DMAC2L: variants seen among roughly 807,000 people sequenced by gnomAD.
The protein encoded by DMAC2L is distal membrane arm assembly component 2 like, also known as ATP synthase subunit s, mitochondrial.
Under a neutral mutation model 22.5 loss-of-function variants are expected in DMAC2L, and 21 were observed. The observed-to-expected ratio is 0.93, with a 90% CI of 0.66 to 1.34. The LOEUF is 1.34. Among genes scored for constraint, DMAC2L ranks in the 40% most tolerant of loss-of-function variants. DMAC2L has a pLI of 0.00. For synonymous variants in DMAC2L, 86 were observed against 89.5 expected, an observed-to-expected ratio of 0.96 and a Z score of 0.22; for missense variants, 239 against 246.5, an observed-to-expected ratio of 0.97 and a Z score of 0.20.
In DMAC2L at chr14:50,326,998, G is replaced by A. The variant is rs1166378223; in HGVS notation, c.*1275G>A. ...TGAGGCTGCAGTAAGCTATGATCAC[G>A]GCCACTGCACACCAGCCTGGTAGCC... On this transcript the variant is annotated 3_prime_UTR_variant, in exon 6 of 6. Coordinates refer to ENST00000557421, the MANE Select transcript of DMAC2L (RefSeq NM_001382507.1). 1.3e-5 allele frequency: 2 copies of A among 152,458 alleles called. No homozygotes were observed. The highest frequency in any genetic ancestry group is 2.4e-5 in the African/African-American group (1 of 41,294). 9.4% of individuals were successfully genotyped at this position (152,458 alleles called of 1,614,324 possible). A position where few individuals can be genotyped will look rare whatever the true frequency, so the allele number is the denominator to read the frequency against.
chr14:50,322,377 C>A, intron 3 of DMAC2L, 134 bp from the exon 4 acceptor site: 1 of 876,420 alleles, frequency 1.1e-6, no homozygotes, highest in Non-Finnish European at 1.5e-6. Flanking sequence ...TTGCATGGAT[C>A]TCACTAATTT....
intron 5 of DMAC2L, among the ~76,000 whole-genome samples, chr14:50,325,134 ATTAATGTAGTTC>A (rs2032623192): frequency 3.1e-5 from 1 of 32,000 alleles, no homozygotes; most frequent in South Asian, 9.5e-4. Flanking sequence ...TATGTATCTA[ATTAATGTAGTTC>A]TGCTTTAATA....
rs2139332780 is a variant in DMAC2L at position 50,326,381 on chromosome 14, C to T, written c.*658C>T. ...ATGTTTTTATTATAACAGTAATTTA[C>T]ATTTAACTTTAAAGTTAGTGAAGCA... On this transcript the variant is annotated 3_prime_UTR_variant, in exon 6 of 6. Transcript: ENST00000557421. 1.1e-6 allele frequency: 1 copy of T among 915,288 alleles called. No homozygotes were observed. Among genetic ancestry groups the T allele is most frequent in the Non-Finnish European group, 1.3e-6 (1 of 766,172 alleles). 56.7% of individuals were successfully genotyped at this position (915,288 alleles called of 1,614,324 possible).
intron 4 of DMAC2L, chr14:50,322,972 G>A: frequency 1.5e-6 from 2 of 1,354,370 alleles, no homozygotes; most frequent in Non-Finnish European, 9.5e-7. Context: ...TAAAATCCAG[G>A]GCCTTGTTTG....
chr14:50,316,130 T>C (rs1052261629), intron 2 of DMAC2L, among the ~76,000 whole-genome samples: 1 of 152,182 alleles, frequency 6.6e-6, no homozygotes, highest in Admixed American at 6.5e-5. Flanking sequence ...TATCACATTG[T>C]GGTTTTGATT....
chr14:50,322,224 C>CT (rs2032332329), intron 3 of DMAC2L, among the ~76,000 whole-genome samples: 1 of 152,180 alleles, frequency 6.6e-6, no homozygotes, highest in Admixed American at 6.5e-5. Flanking sequence ...AAGCACTGTA[C>CT]TATATGTGAA....
At position 50,321,603 on chromosome 14, in the gene DMAC2L, C is replaced by T; in HGVS notation, c.107+9C>T. Reference sequence around the variant, plus strand: ...AATGCAGTGTTTAATAAGTAAGTTACTCTAAATAAAGTGAAGAAATGTGGA... The same window carrying T: ...AATGCAGTGTTTAATAAGTAAGTTATTCTAAATAAAGTGAAGAAATGTGGA... On this transcript the variant is annotated intron_variant, in intron 3 of 5. Coordinates refer to ENST00000557421, the MANE Select transcript of DMAC2L (RefSeq NM_001382507.1). 1 of 1,590,876 alleles carries T rather than the reference C, an allele frequency of 6.3e-7. No individual in the cohort carries two copies.
chr14:50,322,921 A>G, intron 4 of DMAC2L: 2 of 1,432,310 alleles, frequency 1.4e-6, no homozygotes, highest in Non-Finnish European at 1.8e-6. Context: ...TCCTCTCACT[A>G]AGCTTGTTTC....
rs1276880825 is a variant in DMAC2L at position 50,326,379 on chromosome 14, T to C, written c.*656T>C. On this transcript the variant is annotated 3_prime_UTR_variant, in exon 6 of 6. Coordinates refer to ENST00000557421, the MANE Select transcript of DMAC2L (RefSeq NM_001382507.1). Reference sequence around the variant, plus strand: ...AGATGTTTTTATTATAACAGTAATTTACATTTAACTTTAAAGTTAGTGAAG... The same window carrying C: ...AGATGTTTTTATTATAACAGTAATTCACATTTAACTTTAAAGTTAGTGAAG... 1 of 912,670 alleles carries C rather than the reference T, an allele frequency of 1.1e-6. No homozygotes were observed. Among genetic ancestry groups the C allele is most frequent in the East Asian group, 1.2e-4 (1 of 8,446 alleles). The allele number at this position is 912,670 out of a possible 1,614,324, so 56.5% of individuals were successfully genotyped here.
intron 2 of DMAC2L, among the ~76,000 whole-genome samples, chr14:50,320,197 G>T (rs1399537176): frequency 2.0e-5 from 3 of 152,184 alleles, no homozygotes; most frequent in Non-Finnish European, 4.4e-5. Context: ...GGGTTCAAGC[G>T]ATTCTCCTGC....
Position 50,321,571 on chromosome 14 carries a change from C to T in DMAC2L, c.84C>T (p.Gly28=), listed in dbSNP as rs751016206. 3.1e-6 allele frequency: 5 copies of T among 1,613,088 alleles called. No individual in the cohort carries two copies. The East Asian group carries it at 6.7e-5, about 22-fold the overall frequency. The change falls in exon 3 of 6, where the codon GGC becomes GGT. Residue 28 remains glycine, a synonymous_variant. Transcript: ENST00000557421. ...CATGTGACTCCAGATACTTCTGGGG[C>T]TGGTTGAATGCAGTGTTTAATAAGT... ...PWSCDSRYFW[G]WLNAVFNKVD...
chr14:50,318,714 A>G (rs374181096), intron 2 of DMAC2L, among the ~76,000 whole-genome samples: 1 of 151,782 alleles, frequency 6.6e-6, no homozygotes, highest in South Asian at 2.1e-4. Context: ...TTCTGCTTCT[A>G]GACTAACTGA....
chr14:50,319,897 T>C (rs2032122966), intron 2 of DMAC2L, among the ~76,000 whole-genome samples: 1 of 152,146 alleles, frequency 6.6e-6, no homozygotes, highest in Non-Finnish European at 1.5e-5. Context: ...CCCCTACATC[T>C]CACTTAACTG....
chr14:50,325,642 T>C lies in DMAC2L; in HGVS notation c.522T>C (p.Pro174=), dbSNP rs12839. 479 of 1,612,700 alleles carry C rather than the reference T, an allele frequency of 3.0e-4. 1 individual carries two copies. The African/African-American group carries it at 4.3e-3, about 15-fold the overall frequency. Residue 174 remains proline, a synonymous_variant, in exon 6 of 6, where the codon CCT becomes CCC. Transcript: ENST00000557421. Reference sequence around the variant, plus strand: ...AATATTTGTTGTTAAGTGATCTTCCTGGAGTAAGAGAAAAAGAAAATCTTG... The same window carrying C: ...AATATTTGTTGTTAAGTGATCTTCCCGGAGTAAGAGAAAAAGAAAATCTTG... The part of the protein sequence containing the change: ...NLKYLLLSDL[P]GVREKENLVQ...
At chr14:50,323,821 G>C in intron 4 of DMAC2L, 124 bp from the exon 5 acceptor site, 1 of 737,330 alleles carries the variant, frequency 1.4e-6, no homozygotes, top group Non-Finnish European at 2.2e-6. Context: ...AGTTTTCATG[G>C]AACTAAGAGG....
At chr14:50,312,929 C>T in intron 1 of DMAC2L, 1 of 1,479,622 alleles carries the variant, frequency 6.8e-7, no homozygotes, top group Non-Finnish European at 9.4e-7. Context: ...CGACCCGGCA[C>T]TGGGTACCGG....
intron 2 of DMAC2L, among the ~76,000 whole-genome samples, chr14:50,321,081 A>C (rs2032223219): frequency 6.6e-6 from 1 of 152,140 alleles, no homozygotes; most frequent in Non-Finnish European, 1.5e-5. Context: ...CAAGCATCTT[A>C]ACCTTGACAC....
chr14:50,318,472 A>G (rs2031998034), intron 2 of DMAC2L, among the ~76,000 whole-genome samples: 1 of 152,266 alleles, frequency 6.6e-6, no homozygotes, highest in African/African-American at 2.4e-5. Context: ...GAATCAAGCA[A>G]AAATATTCAG....
intron 4 of DMAC2L, among the ~76,000 whole-genome samples, 177 bp from the exon 5 acceptor site, chr14:50,323,768 A>G (rs904029668): frequency 2.6e-5 from 4 of 152,208 alleles, no homozygotes; most frequent in Non-Finnish European, 4.4e-5. Flanking sequence ...CACAAGCTCT[A>G]TAGTGAATTC....
Sources: allele counts gnomAD v4.1 joint callset (sites outside exome capture counted in the v4.1 genomes callset), GRCh38; gene constraint gnomAD v4.1.1; transcripts MANE v1.5; gene names NCBI Gene and HGNC (gene_info 2026-07-23, HGNC 2026-07-21).